Variants in MIER1 observed in about 807,000 individuals in gnomAD.
MIER1 encodes mesoderm induction early response protein 1.
MIER1 carries 40 observed loss-of-function variants against 75.7 expected under a neutral mutation model. That is an observed-to-expected ratio of 0.53 (90% CI 0.41 to 0.69). MIER1 has a LOEUF of 0.69. Ranked by LOEUF, MIER1 falls within the 30% of genes least tolerant of loss-of-function variation. The pLI is 0.00. For synonymous variants in MIER1, 213 were observed against 223.4 expected (o/e 0.95, Z 0.42); for missense variants, 574 against 680.2 (o/e 0.84, Z 1.74).
intron 4 of MIER1, among the ~76,000 whole-genome samples, chr1:66,952,103 A>G (rs1186954426): frequency 6.6e-6 from 1 of 152,216 alleles, no homozygotes; most frequent in Non-Finnish European, 1.5e-5. Flanking sequence ...AAGATTCTCA[A>G]AAAAGTCTCT....
Position 66,985,520 on chromosome 1 carries a change from ATTC to A in MIER1, c.*623_*625del. 1 of 984,626 alleles carries A rather than the reference ATTC, an allele frequency of 1.0e-6. No homozygotes were observed. Among genetic ancestry groups the A allele is most frequent in the Non-Finnish European group, 1.2e-6 (1 of 829,126 alleles). 61.0% of individuals were successfully genotyped at this position (984,626 alleles called of 1,614,324 possible). On this transcript the variant is annotated 3_prime_UTR_variant, in exon 14 of 14. Transcript: ENST00000401041. ...GTTGACATCAATGATGTCTTTCCATATTCTTATCTGGGCTTAAGAAATACATTC... is the reference window on the plus strand; with the variant it reads ...GTTGACATCAATGATGTCTTTCCATATTATCTGGGCTTAAGAAATACATTC...
intron 1 of MIER1, chr1:66,925,415 T>G (rs1006768299): frequency 1.0e-6 from 1 of 985,354 alleles, no homozygotes. Context: ...CTTCGGTCCC[T>G]GATCCCAGTC....
intron 12 of MIER1, among the ~76,000 whole-genome samples, 170 bp downstream of exon 12, chr1:66,976,892 CTAT>C (rs886327785): frequency 3.9e-5 from 6 of 152,128 alleles, no homozygotes; most frequent in African/African-American, 1.4e-4. Flanking sequence ...ACTTTACCAT[CTAT>C]TATATCTTCA....
chr1:66,964,989 G>A (rs1401756100), intron 8 of MIER1, among the ~76,000 whole-genome samples: 1 of 152,038 alleles, frequency 6.6e-6, no homozygotes, highest in African/African-American at 2.4e-5. Context: ...GGCAGTCAAG[G>A]GAACATCACA....
chr1:66,926,116 C>T (rs2100981132), intron 1 of MIER1, 26 bp from the exon 2 acceptor site: 1 of 1,580,342 alleles, frequency 6.3e-7, no homozygotes, highest in Middle Eastern at 1.7e-4. Flanking sequence ...CTCCTTGCTA[C>T]TGAGGCTCTC....
chr1:66,938,908 A>G (rs1655544916), intron 2 of MIER1, among the ~76,000 whole-genome samples: 1 of 152,208 alleles, frequency 6.6e-6, no homozygotes, highest in Non-Finnish European at 1.5e-5. Flanking sequence ...ACTTACTACA[A>G]TTACATAATA....
At chr1:66,965,463 G>A (rs1170627334) in intron 8 of MIER1, among the ~76,000 whole-genome samples, 5 of 151,544 alleles carry the variant, frequency 3.3e-5, no homozygotes, top group African/African-American at 7.3e-5. Flanking sequence ...TAATATGTTC[G>A]TATTATATAT....
chr1:66,984,439 A>T, intron 13 of MIER1, 133 bp from the exon 14 acceptor site: 1 of 635,506 alleles, frequency 1.6e-6, no homozygotes, highest in Non-Finnish European at 2.6e-6. Flanking sequence ...GCTTATAAGT[A>T]ATAGAGCAAG....
rs1222923450 is a variant in MIER1, at chr1:66,971,660, A to G, written c.930A>G (p.Leu310=). ...GSHIKDNEQA[L]YELVKCNFDT... is the part of the protein sequence containing the mutation. ...CAAGCCTTTTATTTTTCTAGGCTTT[A>G]TATGAATTGGTTAAATGCAATTTTG... The change falls in exon 10 of 14, where the codon TTA becomes TTG. Residue 310 remains leucine, a synonymous_variant. Coordinates refer to ENST00000401041, the MANE Select transcript of MIER1 (RefSeq NM_001077700.3). The G allele has an allele frequency of 6.9e-7, 1 of 1,450,678 alleles. No homozygotes were observed. The highest frequency in any genetic ancestry group is 1.8e-5 in the Admixed American group (1 of 54,894). 89.9% of individuals were successfully genotyped at this position (1,450,678 alleles called of 1,614,324 possible). A position where few individuals can be genotyped will look rare whatever the true frequency, so the allele number is the denominator to read the frequency against.
chr1:66,940,276 T>C (rs943539016), intron 3 of MIER1: 92 of 335,936 alleles, frequency 2.7e-4, no homozygotes, highest in Middle Eastern at 1.6e-3. Flanking sequence ...TTTTCTTTTT[T>C]TTTTTTTTTT....
In MIER1 at chr1:66,985,298, ACT is replaced by A; in HGVS notation, c.*400_*401del. On this transcript the variant is annotated 3_prime_UTR_variant, in exon 14 of 14. Transcript: ENST00000401041. ...GCTTAGTTTGATGGATGAATGGGAA[ACT>A]CAAGTCCAAATTTCTGCTTAATACC... 1 of 985,352 alleles carries A rather than the reference ACT, an allele frequency of 1.0e-6. No homozygotes were observed. The allele number at this position is 985,352 out of a possible 1,614,324, so 61.0% of individuals were successfully genotyped here.
In MIER1 at chr1:66,945,318, A is replaced by ATATATAT. The variant is rs1558042276; in HGVS notation, c.194-832_194-831insTATATAT. 3.7e-5 allele frequency among the ~76,000 whole-genome samples: 5 copies of ATATATAT among 134,776 alleles called. 1 individual carries two copies. Among genetic ancestry groups the ATATATAT allele is most frequent in the Non-Finnish European group, 8.3e-5 (5 of 60,568 alleles). 88.4% of individuals were successfully genotyped at this position (134,776 alleles called of 152,430 possible). On this transcript the variant is annotated intron_variant, in intron 3 of 13. Coordinates refer to ENST00000401041, the MANE Select transcript of MIER1 (RefSeq NM_001077700.3). Reference sequence around the variant, plus strand: ...ATATATATATATATATATATATATAAAATACCTAATATAGGTAAATGCTAT... The same window carrying ATATATAT: ...ATATATATATATATATATATATATAATATATATAATACCTAATATAGGTAAATGCTAT...
chr1:66,948,130 CTG>C, intron 4 of MIER1: 1 of 887,006 alleles, frequency 1.1e-6, no homozygotes, highest in Non-Finnish European at 1.4e-6. Context: ...AATAAAATGA[CTG>C]TTATTCACCA....
At chr1:66,948,619 A>G (rs1314395849) in intron 4 of MIER1, among the ~76,000 whole-genome samples, 1 of 152,220 alleles carries the variant, frequency 6.6e-6, no homozygotes, top group Admixed American at 6.5e-5. Context: ...AGGGCTGGGC[A>G]TAGTGGTTTA....
At position 66,985,413 on chromosome 1, in the gene MIER1, A is replaced by T; in HGVS notation, c.*513A>T. The T allele has an allele frequency of 2.0e-6, 2 of 983,694 alleles. No homozygotes were observed. The highest frequency in any genetic ancestry group is 2.4e-6 in the Non-Finnish European group (2 of 828,216). The allele number at this position is 983,694 out of a possible 1,614,324, so 60.9% of individuals were successfully genotyped here. The stretch of plus-strand genomic sequence containing the variant: ...TATCTTTATTAAGGAAACCCTTACG[A>T]ATCCTGAAAATTATGCTAGCATGAT... On this transcript the variant is annotated 3_prime_UTR_variant, in exon 14 of 14. Transcript: ENST00000401041.
At position 66,987,772 on chromosome 1, in the gene MIER1, T is replaced by C. The variant is rs1666964631; in HGVS notation, c.*2872T>C. On this transcript the variant is annotated 3_prime_UTR_variant, in exon 14 of 14. Coordinates refer to ENST00000401041, the MANE Select transcript of MIER1 (RefSeq NM_001077700.3). ...GTTATTGACAAGGCAAATATATATA[T>C]ATACACAGTCTGTTTCTTCTATTCC... The C allele has an allele frequency of 1.3e-5, 2 of 152,018 alleles. No individual in the cohort carries two copies. The highest frequency in any genetic ancestry group is 2.9e-5 in the Non-Finnish European group (2 of 67,982). The allele number at this position is 152,018 out of a possible 1,614,324, so 9.4% of individuals were successfully genotyped here. A position where few individuals can be genotyped will look rare whatever the true frequency, so the allele number is the denominator to read the frequency against.
intron 10 of MIER1, among the ~76,000 whole-genome samples, chr1:66,972,602 G>T (rs1663930095): frequency 6.6e-6 from 1 of 151,984 alleles, no homozygotes; most frequent in African/African-American, 2.4e-5. Context: ...AAAGTCTGAA[G>T]TAAGAAAGAA....
intron 2 of MIER1, among the ~76,000 whole-genome samples, chr1:66,938,398 A>G (rs1170758382): frequency 1.3e-5 from 2 of 152,114 alleles, no homozygotes; most frequent in African/African-American, 4.8e-5. Context: ...TTTTGTGTGG[A>G]TAGTGAGCTA....
At chr1:66,926,924 T>C (rs1202708608) in intron 2 of MIER1, among the ~76,000 whole-genome samples, 1 of 152,056 alleles carries the variant, frequency 6.6e-6, no homozygotes, top group Admixed American at 6.5e-5. Flanking sequence ...TTATATAGTA[T>C]ATATATATAT....
Sources: allele counts gnomAD v4.1 joint callset (sites outside exome capture counted in the v4.1 genomes callset), GRCh38; gene constraint gnomAD v4.1.1; transcripts MANE v1.5; gene names NCBI Gene and HGNC (gene_info 2026-07-23, HGNC 2026-07-21).